Variants in EPB41L2 observed in about 807,000 individuals in gnomAD.
The protein encoded by EPB41L2 is erythrocyte membrane protein band 4.1 like 2.
In EPB41L2, 43 loss-of-function variants were observed where a neutral mutation model predicts 113.0. That is an observed-to-expected ratio of 0.38 (90% CI 0.30 to 0.49). EPB41L2 has a LOEUF of 0.49. Among genes scored for constraint, EPB41L2 ranks in the 20% least tolerant of loss-of-function variants. The pLI is 0.95. For synonymous variants in EPB41L2, 442 were observed against 436.7 expected, an observed-to-expected ratio of 1.01 and a Z score of -0.15; for missense variants, 1,147 against 1,223.4, an observed-to-expected ratio of 0.94 and a Z score of 0.93.
At chr6:130,851,911 A>T (rs59946987) in intron 19 of EPB41L2, among the ~76,000 whole-genome samples, 46,035 of 151,920 alleles carry the variant, frequency 0.3, 8,213 homozygotes, top group East Asian at 0.45. Context: ...CTAGCCCTGG[A>T]TAACACAGCT....
chr6:130,870,394 A>G (rs1785253808), intron 14 of EPB41L2: 1 of 1,550,490 alleles, frequency 6.4e-7, no homozygotes, highest in Admixed American at 2.0e-5. Flanking sequence ...GCAGAACAAA[A>G]AGCAACCGAG....
chr6:130,902,493 C>T (rs1796572145), intron 6 of EPB41L2, among the ~76,000 whole-genome samples: 1 of 152,192 alleles, frequency 6.6e-6, no homozygotes, highest in African/African-American at 2.4e-5. Context: ...AGTCTTCTCG[C>T]TATCACTACA....
chr6:130,857,352 A>G (rs1184571590), intron 19 of EPB41L2, among the ~76,000 whole-genome samples: 1 of 152,110 alleles, frequency 6.6e-6, no homozygotes, highest in African/African-American at 2.4e-5. Flanking sequence ...TTTTTCTACA[A>G]AAGTGTTTAA....
At chr6:130,852,708 C>G (rs1258770152) in intron 19 of EPB41L2, among the ~76,000 whole-genome samples, 1 of 152,138 alleles carries the variant, frequency 6.6e-6, no homozygotes, top group Non-Finnish European at 1.5e-5. Context: ...GAGGAGCAAC[C>G]CCATCACTTT....
intron 1 of EPB41L2, among the ~76,000 whole-genome samples, chr6:131,046,418 T>C (rs1358463157): frequency 1.3e-5 from 2 of 152,174 alleles, no homozygotes. Flanking sequence ...AACAATTGTC[T>C]TTCTATCCTC....
intron 1 of EPB41L2, among the ~76,000 whole-genome samples, chr6:131,046,355 T>C (rs1795457295): frequency 6.6e-6 from 1 of 152,110 alleles, no homozygotes; most frequent in Non-Finnish European, 1.5e-5. Context: ...CAAAGCAACA[T>C]CACTTGACCA....
chr6:130,942,351 TA>T (rs1358900521), intron 3 of EPB41L2, among the ~76,000 whole-genome samples: 1 of 152,192 alleles, frequency 6.6e-6, no homozygotes, highest in Non-Finnish European at 1.5e-5. Flanking sequence ...AAATAATTGG[TA>T]AAATTTCCTG....
chr6:130,893,594 T>C (rs1364629805), intron 10 of EPB41L2, among the ~76,000 whole-genome samples: 3 of 152,222 alleles, frequency 2.0e-5, no homozygotes, highest in African/African-American at 7.2e-5. Flanking sequence ...TATTTATCTG[T>C]AATAGCACTA....
chr6:130,863,550 G>A, intron 18 of EPB41L2, 88 bp downstream of exon 18: 2 of 910,566 alleles, frequency 2.2e-6, no homozygotes, highest in South Asian at 1.5e-5. Flanking sequence ...GGGGAGAAGA[G>A]GTTTACACAG....
rs148086208 is a variant in EPB41L2 at position 130,840,958 on chromosome 6, T to C, written c.*6-360A>G. Among the ~76,000 whole-genome samples the C allele has an allele frequency of 2.4e-3, 366 of 152,266 alleles. 1 individual carries two copies. Among genetic ancestry groups the C allele is most frequent in the Non-Finnish European group, 2.2e-3 (148 of 68,012 alleles). On this transcript the variant is annotated intron_variant, in intron 19 of 19. Coordinates refer to ENST00000337057, the MANE Select transcript of EPB41L2 (RefSeq NM_001431.4). ...AGGGAAAGGGAAAGTCAAAGTCTATTTTCTTTGTGCTAAAACGAATGGAAA... is the reference window on the plus strand; with the variant it reads ...AGGGAAAGGGAAAGTCAAAGTCTATCTTCTTTGTGCTAAAACGAATGGAAA...
chr6:130,985,230 A>T (rs1780260324), intron 1 of EPB41L2, among the ~76,000 whole-genome samples: 1 of 152,158 alleles, frequency 6.6e-6, no homozygotes, highest in African/African-American at 2.4e-5. Flanking sequence ...TGTCTTTTCC[A>T]ATACTACCTT....
At chr6:131,028,660 T>C (rs960930634) in intron 1 of EPB41L2, among the ~76,000 whole-genome samples, 4 of 152,206 alleles carry the variant, frequency 2.6e-5, no homozygotes, top group Non-Finnish European at 5.9e-5. Context: ...CTAAATCATA[T>C]ACCAAATTAT....
intron 8 of EPB41L2, among the ~76,000 whole-genome samples, chr6:130,897,343 TCTTG>T (rs1291348042): frequency 6.6e-6 from 1 of 152,222 alleles, no homozygotes; most frequent in African/African-American, 2.4e-5. Flanking sequence ...GCCACAAATA[TCTTG>T]CTTATCAAAT....
chr6:130,914,499 A>G (rs1226776955), intron 4 of EPB41L2, among the ~76,000 whole-genome samples: 1 of 149,208 alleles, frequency 6.7e-6, no homozygotes, highest in Non-Finnish European at 1.5e-5. Context: ...TACATGTTAA[A>G]GTATTATCCA....
intron 1 of EPB41L2, among the ~76,000 whole-genome samples, chr6:130,999,598 T>C (rs1783915867): frequency 6.6e-6 from 1 of 152,188 alleles, no homozygotes; most frequent in South Asian, 2.1e-4. Context: ...TCACCCTGCA[T>C]GATTGCTTCT....
In EPB41L2 at chr6:131,057,806, TTG is replaced by T. The variant is rs1247658542; in HGVS notation, c.-15+5347_-15+5348del. The stretch of plus-strand genomic sequence containing the variant: ...AGGAAACTGGTCTCTTCAGAAAGAT[TTG>T]ATTTAAATGCATGAACTACCCTACC... On this transcript the variant is annotated intron_variant, in intron 1 of 19. Transcript: ENST00000337057. 2.6e-5 allele frequency among the ~76,000 whole-genome samples: 4 copies of T among 152,288 alleles called. No individual in the cohort carries two copies. The East Asian group carries it at 7.7e-4, about 29-fold the overall frequency.
intron 1 of EPB41L2, among the ~76,000 whole-genome samples, chr6:130,973,450 G>GT (rs1273875441): frequency 1.3e-5 from 2 of 152,096 alleles, no homozygotes; most frequent in South Asian, 2.1e-4. Context: ...TGTTAAATGT[G>GT]TTTTTTAATA....
intron 19 of EPB41L2, among the ~76,000 whole-genome samples, chr6:130,841,085 C>G (rs1422198141): frequency 6.6e-6 from 1 of 151,656 alleles, no homozygotes; most frequent in Non-Finnish European, 1.5e-5. Flanking sequence ...GAGGCAGAAA[C>G]GAATGGAAGG....
At chr6:130,879,550 T>C (rs960870531) in intron 13 of EPB41L2, among the ~76,000 whole-genome samples, 3 of 152,230 alleles carry the variant, frequency 2.0e-5, no homozygotes, top group Admixed American at 6.5e-5. Context: ...TTTTACACTT[T>C]ACATTCATAA....
Sources: allele counts gnomAD v4.1 joint callset (sites outside exome capture counted in the v4.1 genomes callset), GRCh38; gene constraint gnomAD v4.1.1; transcripts MANE v1.5; gene names NCBI Gene and HGNC (gene_info 2026-07-23, HGNC 2026-07-21).